Variants in FAM3B observed in about 807,000 individuals in gnomAD.
FAM3B encodes the protein protein FAM3B.
Under a neutral mutation model 28.4 loss-of-function variants are expected in FAM3B, and 29 were observed. The ratio of observed to expected loss-of-function variants is 1.02; its 90% CI spans 0.76 to 1.39. FAM3B has a LOEUF of 1.39. Ranked by LOEUF, FAM3B falls within the 40% of genes most tolerant of loss-of-function variation. The pLI is 0.00. For synonymous variants in FAM3B, 91 were observed against 103.0 expected (o/e 0.88, Z 0.71); for missense variants, 266 against 293.9 (o/e 0.91, Z 0.69).
At position 41,304,248 on chromosome 21, in the gene FAM3B, G is replaced by A. The variant is rs751255959; in HGVS notation, n.37G>A. 1.1e-5 allele frequency: 5 copies of A among 455,908 alleles called. No homozygotes were observed. The East Asian group carries it at 3.5e-4, about 32-fold the overall frequency. The allele number at this position is 455,908 out of a possible 1,614,324, so 28.2% of individuals were successfully genotyped here. Reference sequence around the variant, plus strand: ...GCGGGCGCCTGGCTGGGCTCGGCGGGCATGGCTGGGGCACCCTGGCGCCAT... The same window carrying A: ...GCGGGCGCCTGGCTGGGCTCGGCGGACATGGCTGGGGCACCCTGGCGCCAT... On this transcript the variant is annotated non_coding_transcript_exon_variant, in exon 1 of 10. Coordinates refer to the FAM3B transcript ENST00000479810.
intron 2 of FAM3B, among the ~76,000 whole-genome samples, chr21:41,323,901 G>T (rs2088832605): frequency 6.6e-6 from 1 of 152,132 alleles, no homozygotes; most frequent in Non-Finnish European, 1.5e-5. Flanking sequence ...ATAGACTGGG[G>T]GCCTTATAAA....
chr21:41,338,906 A>G (rs1170831259), intron 3 of FAM3B, among the ~76,000 whole-genome samples: 1 of 152,146 alleles, frequency 6.6e-6, no homozygotes, highest in Non-Finnish European at 1.5e-5. Flanking sequence ...TCGGGGCCAG[A>G]TGGGCTCTGA....
chr21:41,306,445 A>C (rs1192261526), intron 1 of FAM3B, among the ~76,000 whole-genome samples: 1 of 152,216 alleles, frequency 6.6e-6, no homozygotes, highest in African/African-American at 2.4e-5. Context: ...TATTCCTACA[A>C]ATGTATTCCT....
At chr21:41,321,246 G>A (rs147889800) in intron 1 of FAM3B, among the ~76,000 whole-genome samples, 1 of 152,168 alleles carries the variant, frequency 6.6e-6, no homozygotes, top group Non-Finnish European at 1.5e-5. Flanking sequence ...GAAAATCAGC[G>A]ACCCACGCGG....
In FAM3B at chr21:41,338,476, G is replaced by T. The variant is rs556115707; in HGVS notation, c.262G>T (p.Ala88Ser). 6.8e-6 allele frequency: 11 copies of T among 1,614,002 alleles called. No individual in the cohort carries two copies. The highest frequency in any genetic ancestry group is 8.5e-6 in the Non-Finnish European group (10 of 1,180,002). ...CAGCGGAGGTGGCAGAAGCAAGTAC[G>T]CCAAAATCTGCTTTGAGGATAACCT... ...LLSGGGRSKY[A>S]KICFEDNLLM... The change falls in exon 3 of 8, where the codon GCC (alanine) becomes TCC (serine). Residue 88 changes from alanine to serine, a missense_variant. Transcript: ENST00000357985.
intron 2 of FAM3B, among the ~76,000 whole-genome samples, chr21:41,333,029 G>T (rs1465647663): frequency 1.4e-5 from 2 of 147,360 alleles, no homozygotes; most frequent in East Asian, 4.0e-4. Context: ...ATCTTAGGTT[G>T]TTTATGTGAG....
intron 3 of FAM3B, among the ~76,000 whole-genome samples, chr21:41,341,486 G>A (rs987484852): frequency 6.6e-6 from 1 of 152,074 alleles, no homozygotes; most frequent in Admixed American, 6.5e-5. Flanking sequence ...TTTTTTTGGT[G>A]GTGATTTATT....
chr21:41,338,588 A>T, intron 3 of FAM3B, 87 bp downstream of exon 3: 1 of 1,535,516 alleles, frequency 6.5e-7, no homozygotes, highest in Non-Finnish European at 8.8e-7. Context: ...AGTTCTGCCC[A>T]CAGGAGAGAA....
intron 2 of FAM3B, among the ~76,000 whole-genome samples, 168 bp downstream of exon 2, chr21:41,323,234 A>G (rs2838013): frequency 0.065 from 9,832 of 152,256 alleles, 360 homozygotes; most frequent in Middle Eastern, 0.15. Context: ...CGCCATTCCA[A>G]GGCACGTGCC....
intron 1 of FAM3B, among the ~76,000 whole-genome samples, chr21:41,305,459 T>A (rs2088678494): frequency 6.6e-6 from 1 of 152,240 alleles, no homozygotes; most frequent in Admixed American, 6.5e-5. Flanking sequence ...TATGAGTTTT[T>A]GTTTTGTTTT....
At chr21:41,334,846 A>G (rs432938) in intron 2 of FAM3B, among the ~76,000 whole-genome samples, 55,739 of 152,188 alleles carry the variant, frequency 0.37, 14,771 homozygotes, top group African/African-American at 0.75. Flanking sequence ...GTTTGTGAGA[A>G]CAGCCTCAGG....
intron 7 of FAM3B, among the ~76,000 whole-genome samples, chr21:41,354,033 A>T (rs1241038760): frequency 2.0e-5 from 3 of 152,246 alleles, no homozygotes; most frequent in Non-Finnish European, 4.4e-5. Context: ...AGCATATGAA[A>T]AAAAGCTCAA....
chr21:41,322,549 G>T (rs1276900493), intron 1 of FAM3B: 1 of 713,530 alleles, frequency 1.4e-6, no homozygotes, highest in South Asian at 1.5e-5. Context: ...AAATCCAGTT[G>T]TGTCTCACAA....
intron 1 of FAM3B, among the ~76,000 whole-genome samples, chr21:41,318,735 G>A (rs1396300096): frequency 4.6e-5 from 7 of 152,212 alleles, no homozygotes; most frequent in African/African-American, 7.2e-5. Flanking sequence ...CGTTCAGGTT[G>A]AAGGAAATCC....
chr21:41,327,513 C>A (rs902179462), intron 2 of FAM3B, among the ~76,000 whole-genome samples: 2 of 152,202 alleles, frequency 1.3e-5, no homozygotes, highest in Admixed American at 6.5e-5. Context: ...ACCTTGCATT[C>A]CCATTTCCAT....
upstream of FAM3B, among the ~76,000 whole-genome samples, chr21:41,314,417 A>G (rs184569191): frequency 2.6e-5 from 4 of 152,324 alleles, no homozygotes; most frequent in Admixed American, 2.6e-4. Context: ...TGCCCCATAC[A>G]TATTTGTTAA....
At chr21:41,328,603 A>G (rs1440928594) in intron 2 of FAM3B, among the ~76,000 whole-genome samples, 1 of 152,204 alleles carries the variant, frequency 6.6e-6, no homozygotes, top group Non-Finnish European at 1.5e-5. Context: ...TTAGCCTTCC[A>G]AAGTGCTGGA....
chr21:41,330,918 C>G (rs921849291), intron 2 of FAM3B, among the ~76,000 whole-genome samples: 2 of 152,224 alleles, frequency 1.3e-5, no homozygotes, highest in Non-Finnish European at 2.9e-5. Flanking sequence ...GTGCAGATCT[C>G]TCTTTGACAT....
At chr21:41,346,801 TG>T (rs753930423) in intron 5 of FAM3B, among the ~76,000 whole-genome samples, 12 of 152,282 alleles carry the variant, frequency 7.9e-5, no homozygotes, top group Non-Finnish European at 1.5e-4. Flanking sequence ...CCTTCTACGC[TG>T]TGCCACTCAC....
Sources: allele counts gnomAD v4.1 joint callset (sites outside exome capture counted in the v4.1 genomes callset), GRCh38; gene constraint gnomAD v4.1.1; transcripts MANE v1.5; gene names NCBI Gene and HGNC (gene_info 2026-07-23, HGNC 2026-07-21).